GALNT17: variants seen among roughly 807,000 people sequenced by gnomAD.
The protein encoded by GALNT17 is UDP-GalNAc:polypeptide N-acetylgalactosaminyltransferase-like 3.
GALNT17 carries 29 observed loss-of-function variants against 63.7 expected under a neutral mutation model. That is an observed-to-expected ratio of 0.46 (90% CI 0.34 to 0.62). The LOEUF is 0.62. Among genes scored for constraint, GALNT17 ranks in the 20% least tolerant of loss-of-function variants. The pLI is 0.01. For missense variants in GALNT17, 603 were observed against 799.6 expected (o/e 0.75, Z 2.97); for synonymous variants, 305 against 318.3 (o/e 0.96, Z 0.45).
rs1004671700 is a variant in GALNT17, at chr7:71,134,669, A to G, written c.238+1629A>G. 3.9e-5 allele frequency among the ~76,000 whole-genome samples: 6 copies of G among 152,158 alleles called. No homozygotes were observed. In the South Asian group the frequency reaches 8.3e-4, roughly 21 times the overall value. ...ATGGCACAGAATGCGACAAAAACCC[A>G]TAGTTCATTTCTGGAGGAATCAGAA... is the stretch of plus-strand genomic sequence containing the variant. On this transcript the variant is annotated intron_variant, in intron 1 of 10. Coordinates refer to ENST00000333538, the MANE Select transcript of GALNT17 (RefSeq NM_022479.3).
chr7:71,612,737 G>A (rs1214824024), intron 6 of GALNT17, among the ~76,000 whole-genome samples: 1 of 152,148 alleles, frequency 6.6e-6, no homozygotes, highest in Non-Finnish European at 1.5e-5. Flanking sequence ...TCATGTTGAT[G>A]GAAAACACTA....
chr7:71,408,850 G>A (rs1264822857), intron 3 of GALNT17, among the ~76,000 whole-genome samples: 1 of 152,016 alleles, frequency 6.6e-6, no homozygotes, highest in African/African-American at 2.4e-5. Flanking sequence ...TCCAGCCTGG[G>A]CAACAAGGCC....
intron 1 of GALNT17, among the ~76,000 whole-genome samples, chr7:71,255,790 G>A (rs1790278028): frequency 6.6e-6 from 1 of 152,136 alleles, no homozygotes; most frequent in African/African-American, 2.4e-5. Flanking sequence ...TAAAGGCATA[G>A]TGGCTGGCCG....
At chr7:71,502,216 C>G (rs1584007522) in intron 5 of GALNT17, among the ~76,000 whole-genome samples, 2 of 152,232 alleles carry the variant, frequency 1.3e-5, no homozygotes, top group Non-Finnish European at 2.9e-5. Flanking sequence ...GTCTATTCCT[C>G]ACCACCCATT....
intron 9 of GALNT17, among the ~76,000 whole-genome samples, chr7:71,710,227 G>A (rs1214002595): frequency 2.6e-5 from 4 of 152,106 alleles, no homozygotes; most frequent in Admixed American, 2.0e-4. Flanking sequence ...TAAAAGATCA[G>A]GGCCGGGCGC....
chr7:71,366,665 T>G (rs1439972532), intron 2 of GALNT17, among the ~76,000 whole-genome samples: 31 of 152,184 alleles, frequency 2.0e-4, no homozygotes, highest in Admixed American at 2.0e-3. Context: ...GTTGGCTGTT[T>G]CTTGTGTGTC....
chr7:71,420,239 G>C (rs561661033), intron 4 of GALNT17, among the ~76,000 whole-genome samples: 77 of 152,308 alleles, frequency 5.1e-4, no homozygotes, highest in African/African-American at 1.8e-3. Context: ...CGAATTACCT[G>C]CTGCAGCCTC....
chr7:71,247,367 C>T (rs1479121669), intron 1 of GALNT17, among the ~76,000 whole-genome samples: 2 of 152,084 alleles, frequency 1.3e-5, no homozygotes, highest in African/African-American at 4.8e-5. Context: ...GTCTCTTGAA[C>T]GATGCAGGGG....
intron 1 of GALNT17, among the ~76,000 whole-genome samples, chr7:71,135,813 C>T (rs1189746638): frequency 2.0e-5 from 3 of 152,150 alleles, no homozygotes; most frequent in Non-Finnish European, 2.9e-5. Flanking sequence ...GATCAACTGG[C>T]GTCTGGCTTC....
At chr7:71,455,501 T>A (rs543852261) in intron 5 of GALNT17, among the ~76,000 whole-genome samples, 3 of 70,226 alleles carry the variant, frequency 4.3e-5, no homozygotes, top group Admixed American at 1.5e-4. Context: ...TTGTTTTTTG[T>A]TTTTGTTTTT....
chr7:71,150,093 C>T (rs1788102357), intron 1 of GALNT17, among the ~76,000 whole-genome samples: 1 of 152,136 alleles, frequency 6.6e-6, no homozygotes, highest in Non-Finnish European at 1.5e-5. Flanking sequence ...AAGGTAACTC[C>T]TTTGATTCCA....
At chr7:71,473,756 A>G (rs1463491609) in intron 5 of GALNT17, among the ~76,000 whole-genome samples, 1 of 152,084 alleles carries the variant, frequency 6.6e-6, no homozygotes, top group African/African-American at 2.4e-5. Context: ...CACTTTGGAC[A>G]AGTCTCCTAA....
chr7:71,556,597 C>T (rs1389201451), intron 5 of GALNT17, among the ~76,000 whole-genome samples: 2 of 152,080 alleles, frequency 1.3e-5, no homozygotes, highest in African/African-American at 4.8e-5. Flanking sequence ...TACTTCATCA[C>T]CCAGGGTAGA....
intron 5 of GALNT17, among the ~76,000 whole-genome samples, chr7:71,462,440 AC>A (rs1390207098): frequency 6.6e-6 from 1 of 152,032 alleles, no homozygotes; most frequent in East Asian, 1.9e-4. Context: ...GTAGCTGTGA[AC>A]CCCCCAAATT....
At chr7:71,256,488 T>A (rs901828205) in intron 1 of GALNT17, among the ~76,000 whole-genome samples, 7 of 152,192 alleles carry the variant, frequency 4.6e-5, no homozygotes, top group Admixed American at 1.3e-4. Flanking sequence ...AGAGAATTGC[T>A]TGAGCCTGGG....
intron 1 of GALNT17, chr7:71,300,241 G>C: frequency 3.5e-6 from 1 of 289,044 alleles, no homozygotes; most frequent in Non-Finnish European, 6.9e-6. Flanking sequence ...ACTCCTTTTA[G>C]TAATTTAGGT....
intron 7 of GALNT17, among the ~76,000 whole-genome samples, 157 bp from the exon 8 acceptor site, chr7:71,669,815 C>A (rs1179024352): frequency 6.6e-6 from 1 of 152,168 alleles, no homozygotes. Context: ...CTCACCTCTG[C>A]CTCCTAAAGT....
intron 1 of GALNT17, among the ~76,000 whole-genome samples, chr7:71,222,726 A>G (rs76663463): frequency 2.0e-5 from 3 of 152,170 alleles, no homozygotes; most frequent in Non-Finnish European, 4.4e-5. Flanking sequence ...GTGTCCTTCT[A>G]AGTGCATCAT....
chr7:71,569,361 T>C (rs917399944), intron 5 of GALNT17, among the ~76,000 whole-genome samples: 14 of 152,182 alleles, frequency 9.2e-5, no homozygotes, highest in Admixed American at 3.3e-4. Context: ...TTTGGGCATC[T>C]GTTGATCCCA....
Sources: gnomAD v4.1 joint callset for allele counts (sites outside exome capture counted in the v4.1 genomes callset) on GRCh38, gnomAD v4.1.1 for gene constraint, MANE v1.5 for transcripts, NCBI Gene and HGNC (gene_info 2026-07-23, HGNC 2026-07-21) for gene names.